The following TPO variants were observed in gnomAD, a reference collection of about 807,000 sequenced individuals.
The protein encoded by TPO is thyroid microsomal antigen.
TPO carries 78 observed loss-of-function variants against 96.9 expected under a neutral mutation model. The observed-to-expected ratio is 0.81, with a 90% CI of 0.67 to 0.97. TPO has a LOEUF of 0.97. Ranked by LOEUF, TPO falls within the 50% of genes least tolerant of loss-of-function variation. The pLI is 0.00. For synonymous variants in TPO, 547 were observed against 538.0 expected (o/e 1.02, Z -0.23); for missense variants, 1,252 against 1,274.8 (o/e 0.98, Z 0.27).
intron 14 of TPO, among the ~76,000 whole-genome samples, chr2:1,512,240 A>T (rs1362980902): frequency 6.6e-6 from 1 of 152,274 alleles, no homozygotes; most frequent in African/African-American, 2.4e-5. Flanking sequence ...GGGTTTCACC[A>T]TGTTAGCCAG....
intron 7 of TPO, among the ~76,000 whole-genome samples, chr2:1,468,756 A>G (rs1379258982): frequency 6.6e-6 from 1 of 152,250 alleles, no homozygotes; most frequent in Non-Finnish European, 1.5e-5. Context: ...CTAGGTCTCC[A>G]GCAAGGCCAG....
At chr2:1,523,759 G>A (rs367930771) in intron 15 of TPO, among the ~76,000 whole-genome samples, 7 of 29,824 alleles carry the variant, frequency 2.3e-4, no homozygotes, top group Admixed American at 4.9e-4. Flanking sequence ...CCCAAATACC[G>A]CCACTGTGTG....
At chr2:1,447,000 A>ATG (rs761700383) in intron 5 of TPO, among the ~76,000 whole-genome samples, 16 of 151,404 alleles carry the variant, frequency 1.1e-4, no homozygotes, top group Non-Finnish European at 1.5e-4. Flanking sequence ...GTGTGTGTGT[A>ATG]TGTGTGTGTG....
At chr2:1,474,945 T>G (rs1669759396) in intron 7 of TPO, among the ~76,000 whole-genome samples, 1 of 152,252 alleles carries the variant, frequency 6.6e-6, no homozygotes. Flanking sequence ...TTTAGCTCTT[T>G]GTTACTTAAC....
At chr2:1,476,677 C>T (rs1017632281) in intron 7 of TPO, among the ~76,000 whole-genome samples, 14 of 152,226 alleles carry the variant, frequency 9.2e-5, no homozygotes, top group Non-Finnish European at 1.3e-4. Context: ...CTGGCTCAGG[C>T]CAAGAGCGTC....
At chr2:1,407,098 A>G (rs151147493) in intron 1 of TPO, among the ~76,000 whole-genome samples, 28 of 152,346 alleles carry the variant, frequency 1.8e-4, no homozygotes, top group African/African-American at 6.3e-4. Context: ...AAAATATGGC[A>G]ACACAGACAT....
intron 10 of TPO, among the ~76,000 whole-genome samples, chr2:1,490,584 G>A (rs80345006): frequency 0.012 from 1,796 of 149,924 alleles, 87 homozygotes; most frequent in African/African-American, 0.043. Flanking sequence ...CCCAGCCACC[G>A]TAGAAGGCCG....
At chr2:1,475,279 C>T (rs910968538) in intron 7 of TPO, among the ~76,000 whole-genome samples, 7 of 152,222 alleles carry the variant, frequency 4.6e-5, no homozygotes, top group Admixed American at 2.6e-4. Flanking sequence ...ACTGAAGTTC[C>T]GGCTGTCACG....
upstream of TPO, among the ~76,000 whole-genome samples, chr2:1,411,378 T>C (rs1662332703): frequency 6.6e-6 from 1 of 152,178 alleles, no homozygotes. Flanking sequence ...CTCCCCCAGC[T>C]GTGCATGCAA....
intron 3 of TPO, among the ~76,000 whole-genome samples, chr2:1,426,642 A>C (rs1430748282): frequency 6.6e-6 from 1 of 152,232 alleles, no homozygotes; most frequent in Non-Finnish European, 1.5e-5. Flanking sequence ...AATGCATTAG[A>C]TTATTTCATA....
chr2:1,423,893 C>A (rs574403253), intron 3 of TPO, among the ~76,000 whole-genome samples: 100 of 152,296 alleles, frequency 6.6e-4, no homozygotes, highest in Non-Finnish European at 1.2e-3. Flanking sequence ...AACTCACGCA[C>A]ACTTTAATAT....
chr2:1,484,094 C>T (rs763415035), intron 8 of TPO, among the ~76,000 whole-genome samples: 4 of 152,208 alleles, frequency 2.6e-5, no homozygotes, highest in Admixed American at 6.5e-5. Context: ...AATCTTGGTA[C>T]ATAATTCTCC....
At chr2:1,537,514 CTGTGCAACCTCCGCCTATCCCCCCCAG>C (rs1193313019) in intron 15 of TPO, among the ~76,000 whole-genome samples, 7,378 of 44,242 alleles carry the variant, frequency 0.17, 453 homozygotes, top group Non-Finnish European at 0.18. Context: ...CCCCCCAACT[CTGTGCAACCTCCGCCTATCCCCCCCAG>C]TGTGCAACCT....
chr2:1,533,027 AC>A (rs1678682760), intron 15 of TPO, among the ~76,000 whole-genome samples: 1 of 44,256 alleles, frequency 2.3e-5, no homozygotes, highest in Non-Finnish European at 3.9e-5. Context: ...CACTGTGTGC[AC>A]CCCCCAAAAA....
intron 7 of TPO, among the ~76,000 whole-genome samples, chr2:1,471,192 G>C (rs1669370679): frequency 6.6e-6 from 1 of 152,182 alleles, no homozygotes; most frequent in Non-Finnish European, 1.5e-5. Flanking sequence ...ATAACTGGTA[G>C]AGCTTATTTG....
intron 2 of TPO, among the ~76,000 whole-genome samples, chr2:1,422,396 G>GACCTCGTGCAGGCGCCTCTCCTGGACCGA (rs1663836880): frequency 5.7e-5 from 6 of 104,514 alleles, no homozygotes; most frequent in Non-Finnish European, 1.0e-4. Flanking sequence ...GCCGCGCTGG[G>GACCTCGTGCAGGCGCCTCTCCTGGACCGA]CCATGGGGAG....
At chr2:1,477,857 C>A (rs925960175) in intron 8 of TPO, 2 of 985,420 alleles carry the variant, frequency 2.0e-6, no homozygotes, top group African/African-American at 3.5e-5. Flanking sequence ...TGGCGGCCCT[C>A]CGGGGCCCCT....
chr2:1,534,378 A>G (rs183346999), intron 15 of TPO, among the ~76,000 whole-genome samples: 2 of 144,842 alleles, frequency 1.4e-5, no homozygotes, highest in African/African-American at 5.2e-5. Flanking sequence ...AACCTCCCCA[A>G]ATCCCTCCAA....
chr2:1,491,906 A>G (rs1192852632), intron 10 of TPO, among the ~76,000 whole-genome samples: 1 of 152,226 alleles, frequency 6.6e-6, no homozygotes, highest in Non-Finnish European at 1.5e-5. Context: ...TCTGCAGATC[A>G]CAGGGCGGCA....
Sources: gnomAD v4.1 joint callset for allele counts (sites outside exome capture counted in the v4.1 genomes callset) on GRCh38, gnomAD v4.1.1 for gene constraint, MANE v1.5 for transcripts, NCBI Gene and HGNC (gene_info 2026-07-23, HGNC 2026-07-21) for gene names.